Variants in RALA observed in about 807,000 individuals in gnomAD.
The protein encoded by RALA is RAS like proto-oncogene A.
RALA carries 5 observed loss-of-function variants against 24.0 expected under a neutral mutation model. The ratio of observed to expected loss-of-function variants is 0.21; its 90% CI spans 0.11 to 0.44. The LOEUF is 0.44. RALA is among the 20% of genes least tolerant of loss of function. The probability of loss-of-function intolerance (pLI) is 0.99; values close to 1 mark genes in which losing one functional copy is unlikely to be tolerated. For missense variants in RALA, 95 were observed against 241.2 expected, an observed-to-expected ratio of 0.39 and a Z score of 4.01; for synonymous variants, 77 against 83.8, an observed-to-expected ratio of 0.92 and a Z score of 0.44.
intron 1 of RALA, among the ~76,000 whole-genome samples, chr7:39,637,570 C>G (rs1427402490): frequency 6.6e-6 from 1 of 152,186 alleles, no homozygotes; most frequent in African/African-American, 2.4e-5. Flanking sequence ...TTTGTTCCCT[C>G]TGTTAGTTTC....
intron 1 of RALA, among the ~76,000 whole-genome samples, chr7:39,657,254 C>T (rs1290614907): frequency 6.6e-6 from 1 of 152,138 alleles, no homozygotes; most frequent in South Asian, 2.1e-4. Flanking sequence ...GTATGAGCCA[C>T]CACGCCCAGC....
chr7:39,693,139 C>T (rs1268121919), intron 3 of RALA, among the ~76,000 whole-genome samples: 2 of 152,124 alleles, frequency 1.3e-5, no homozygotes, highest in East Asian at 1.9e-4. Context: ...TGCGGCACTA[C>T]TCACAATAGT....
At chr7:39,686,810 G>A (rs1792711680) in intron 2 of RALA, 29 bp downstream of exon 2, 1 of 1,524,480 alleles carries the variant, frequency 6.6e-7, no homozygotes, top group Non-Finnish European at 9.1e-7. Context: ...ATGGATCAAA[G>A]TTTAGGCTTT....
At chr7:39,698,411 G>C (rs543643702) in intron 4 of RALA, among the ~76,000 whole-genome samples, 4 of 152,206 alleles carry the variant, frequency 2.6e-5, no homozygotes, top group African/African-American at 9.6e-5. Flanking sequence ...AAGAATACCT[G>C]CTTCATAGGA....
chr7:39,659,400 T>C (rs569674937), intron 1 of RALA, among the ~76,000 whole-genome samples: 2 of 152,334 alleles, frequency 1.3e-5, no homozygotes, highest in South Asian at 4.1e-4. Flanking sequence ...CAAGTCTTTT[T>C]TTTTTCCCCT....
chr7:39,667,080 C>T (rs1465716203), intron 1 of RALA, among the ~76,000 whole-genome samples: 2 of 152,194 alleles, frequency 1.3e-5, no homozygotes, highest in African/African-American at 2.4e-5. Flanking sequence ...CTTGCCCCAT[C>T]TTAAACTTTT....
chr7:39,665,326 C>T (rs1792264623), intron 1 of RALA, among the ~76,000 whole-genome samples: 2 of 152,116 alleles, frequency 1.3e-5, no homozygotes, highest in African/African-American at 4.8e-5. Context: ...ATTTTCTTAA[C>T]ATTATCTTTT....
rs565357150 is a variant in RALA, at chr7:39,670,113, T to C, written c.-37-16518T>C. On this transcript the variant is annotated intron_variant, in intron 1 of 4. Transcript: ENST00000005257. ...ATATAAATTACTTAAATTATACTTTTAAAGATTAGATCTATTAAACATCTA... is the reference window on the plus strand; with the variant it reads ...ATATAAATTACTTAAATTATACTTTCAAAGATTAGATCTATTAAACATCTA... 5.9e-5 allele frequency among the ~76,000 whole-genome samples: 9 copies of C among 152,338 alleles called. No homozygotes were observed. In the South Asian group the frequency reaches 1.0e-3, roughly 18 times the overall value.
intron 3 of RALA, among the ~76,000 whole-genome samples, chr7:39,695,880 G>T (rs1320946313): frequency 1.3e-5 from 2 of 151,730 alleles, no homozygotes; most frequent in Non-Finnish European, 2.9e-5. Flanking sequence ...TTTGTTTTTT[G>T]ATTTTACAAA....
intron 1 of RALA, among the ~76,000 whole-genome samples, chr7:39,667,421 G>A (rs925417238): frequency 3.3e-5 from 5 of 152,234 alleles, no homozygotes; most frequent in Non-Finnish European, 5.9e-5. Flanking sequence ...CAGATGGAGT[G>A]ACCATCAGCA....
At chr7:39,637,637 C>T (rs1791706513) in intron 1 of RALA, among the ~76,000 whole-genome samples, 1 of 152,212 alleles carries the variant, frequency 6.6e-6, no homozygotes, top group South Asian at 2.1e-4. Context: ...CAACTATGTG[C>T]TTCTTTCTAA....
chr7:39,637,369 A>G (rs1028145605), intron 1 of RALA, among the ~76,000 whole-genome samples: 3 of 152,220 alleles, frequency 2.0e-5, no homozygotes, highest in Non-Finnish European at 4.4e-5. Context: ...GAGGACGGCT[A>G]TTCTTCCACA....
chr7:39,701,186 A>C (rs1278748640), intron 4 of RALA, among the ~76,000 whole-genome samples: 4 of 152,220 alleles, frequency 2.6e-5, no homozygotes, highest in African/African-American at 9.6e-5. Flanking sequence ...TCTGGCGCTC[A>C]CATGCTCACA....
At chr7:39,694,994 G>A (rs1363016799) in intron 3 of RALA, among the ~76,000 whole-genome samples, 2 of 151,860 alleles carry the variant, frequency 1.3e-5, no homozygotes, top group Non-Finnish European at 2.9e-5. Flanking sequence ...AGGAGGTTGA[G>A]GCTGCAGTGA....
intron 1 of RALA, among the ~76,000 whole-genome samples, chr7:39,638,245 T>C (rs1402810539): frequency 6.6e-6 from 1 of 151,982 alleles, no homozygotes; most frequent in African/African-American, 2.4e-5. Flanking sequence ...ATTACAGGAG[T>C]GTGCCAGTTG....
chr7:39,682,920 A>G (rs1792632474), intron 1 of RALA, among the ~76,000 whole-genome samples: 2 of 152,280 alleles, frequency 1.3e-5, no homozygotes, highest in Non-Finnish European at 2.9e-5. Flanking sequence ...GATTACAGGC[A>G]TGAGCCACTG....
chr7:39,630,732 C>T (rs1364497919), intron 1 of RALA, among the ~76,000 whole-genome samples: 1 of 152,070 alleles, frequency 6.6e-6, no homozygotes, highest in Non-Finnish European at 1.5e-5. Context: ...AAGTGGCTAT[C>T]CAGTTGCCCC....
intron 1 of RALA, among the ~76,000 whole-genome samples, chr7:39,629,452 T>C (rs1478333436): frequency 6.6e-6 from 1 of 152,224 alleles, no homozygotes; most frequent in East Asian, 1.9e-4. Flanking sequence ...TTTCGCTCTG[T>C]CGCCCAGGCT....
At chr7:39,644,577 A>T (rs1583712045) in intron 1 of RALA, among the ~76,000 whole-genome samples, 1 of 152,204 alleles carries the variant, frequency 6.6e-6, no homozygotes, top group Non-Finnish European at 1.5e-5. Flanking sequence ...AAAGAATAAG[A>T]TTGCATTACT....
Sources: allele counts gnomAD v4.1 joint callset (sites outside exome capture counted in the v4.1 genomes callset), GRCh38; gene constraint gnomAD v4.1.1; transcripts MANE v1.5; gene names NCBI Gene and HGNC (gene_info 2026-07-23, HGNC 2026-07-21).